LRP4: variants seen among roughly 807,000 people sequenced by gnomAD.
The protein encoded by LRP4 is low-density lipoprotein receptor-related protein 4.
A neutral mutation model predicts 220.3 loss-of-function variants in LRP4; 95 were observed. That is an observed-to-expected ratio of 0.43 (90% confidence interval 0.37 to 0.51). The LOEUF (loss-of-function observed/expected upper bound fraction) is 0.51, where lower values mean the gene tolerates loss of function less well. Ranked by LOEUF, LRP4 falls within the 20% of genes least tolerant of loss-of-function variation. The probability of loss-of-function intolerance (pLI) is 0.00; values close to 1 mark genes in which losing one functional copy is unlikely to be tolerated. For missense variants in LRP4, 1,925 were observed against 2,567.0 expected (o/e 0.75, Z 5.40); for synonymous variants, 903 against 954.6 (o/e 0.95, Z 1.00).
At chr11:46,868,173 C>A (rs1321921185) in intron 33 of LRP4, 59 bp from the exon 34 acceptor site, 1 of 1,605,546 alleles carries the variant, frequency 6.2e-7, no homozygotes, top group East Asian at 2.2e-5. Context: ...ACATATGGCC[C>A]AAGAGTAGCA....
chr11:46,857,082 T>C lies in LRP4; in HGVS notation c.*1901A>G, dbSNP rs1940398581. On this transcript the variant is annotated 3_prime_UTR_variant, in exon 38 of 38. Transcript: ENST00000378623. ...TCAAATAGATACTTCCTCAAATATG[T>C]CCTTTCTACATTCTGAACAGCCCAA... 6.6e-6 allele frequency: 1 copy of C among 152,616 alleles called. No homozygotes were observed. Among genetic ancestry groups the C allele is most frequent in the South Asian group, 2.1e-4 (1 of 4,822 alleles). The allele number at this position is 152,616 out of a possible 1,614,324, so 9.5% of individuals were successfully genotyped here. A position where few individuals can be genotyped will look rare whatever the true frequency, so the allele number is the denominator to read the frequency against.
intron 1 of LRP4, among the ~76,000 whole-genome samples, chr11:46,907,952 C>T (rs1347350918): frequency 4.0e-5 from 6 of 151,196 alleles, no homozygotes; most frequent in Non-Finnish European, 5.9e-5. Flanking sequence ...TTTTTTTTTC[C>T]GAGATGGAAT....
intron 23 of LRP4, 21 bp downstream of exon 23, chr11:46,877,178 G>C (rs561255570): frequency 6.2e-7 from 1 of 1,613,278 alleles, no homozygotes; most frequent in Non-Finnish European, 8.5e-7. Context: ...AGGCCAGGTG[G>C]GAAGAGAGGG....
In LRP4 at chr11:46,875,489, C is replaced by A. The variant is rs1940988328; in HGVS notation, c.3892G>T (p.Asp1298Tyr). The A allele has an allele frequency of 1.2e-6, 2 of 1,614,092 alleles. No homozygotes were observed. The highest frequency in any genetic ancestry group is 1.7e-6 in the Non-Finnish European group (2 of 1,180,026). Reference sequence around the variant, plus strand: ...TGTGCCCGGTCCACAGCCTGCATGTCCATGAGGCCTGGCAGGTTGGACCTC... The same window carrying A: ...TGTGCCCGGTCCACAGCCTGCATGTACATGAGGCCTGGCAGGTTGGACCTC... ...LVRSNLPGLM[D>Y]MQAVDRAQPL... Residue 1298 changes from aspartate (D) to tyrosine (Y), a missense_variant, in exon 27 of 38, where the codon GAC (aspartate) becomes TAC (tyrosine). Around this residue, in one of 3 missense-constraint regions of LRP4, gnomAD observed 1,244 missense variants for 1,624.9 expected, o/e 0.77. Coordinates refer to ENST00000378623, the MANE Select transcript of LRP4 (RefSeq NM_002334.4). This position sits in a 1 kb window ranked among gnomAD's most constrained non-coding sequence, Gnocchi z 4.5.
In LRP4 at chr11:46,858,777, T is replaced by G; in HGVS notation, c.*206A>C. 1 of 626,960 alleles carries G rather than the reference T, an allele frequency of 1.6e-6. No homozygotes were observed. Among genetic ancestry groups the G allele is most frequent in the Non-Finnish European group, 2.9e-6 (1 of 346,042 alleles). 38.8% of individuals were successfully genotyped at this position (626,960 alleles called of 1,614,324 possible). A position where few individuals can be genotyped will look rare whatever the true frequency, so the allele number is the denominator to read the frequency against. On this transcript the variant is annotated 3_prime_UTR_variant, in exon 38 of 38. Transcript: ENST00000378623. The stretch of plus-strand genomic sequence containing the variant: ...GTTCATGGTAAAATCCAGGTCTAAA[T>G]TCTCGTGATGTGCCATCATTTCTTG...
intron 15 of LRP4, 159 bp downstream of exon 15, chr11:46,889,785 G>T: frequency 2.3e-6 from 2 of 887,300 alleles, no homozygotes; most frequent in South Asian, 1.5e-5. Context: ...GTACTGCCCC[G>T]AATGTCCAGC....
chr11:46,889,091 C>T (rs148843923), intron 16 of LRP4, among the ~76,000 whole-genome samples: 25 of 152,284 alleles, frequency 1.6e-4, no homozygotes, highest in Admixed American at 1.2e-3. Flanking sequence ...GGAAATCATT[C>T]CCCTGTTTTC....
In LRP4 at chr11:46,889,423, C is replaced by G. The variant is rs746942856; in HGVS notation, c.2203G>C (p.Ala735Pro). The change falls in exon 16 of 38, where the codon GCC (alanine) becomes CCC (proline). Residue 735 changes from alanine to proline, a missense_variant. Ala to Pro is a conservative substitution (Grantham distance 27). Transcript: ENST00000378623. ...PTGFRKISSHACAQSLDKFLL... is the reference protein window; with the variant it reads ...PTGFRKISSHPCAQSLDKFLL... ...CAGACCCACTTACTCTGGGCACAGG[C>G]GTGGCTGCTGATCTTGCGGAAGCCA... The G allele has an allele frequency of 6.2e-7, 1 of 1,613,948 alleles. No individual in the cohort carries two copies. Among genetic ancestry groups the G allele is most frequent in the Non-Finnish European group, 8.5e-7 (1 of 1,180,038 alleles).
intron 2 of LRP4, among the ~76,000 whole-genome samples, chr11:46,900,954 CT>C (rs1046563776): frequency 4.6e-5 from 7 of 151,362 alleles, no homozygotes; most frequent in African/African-American, 1.7e-4. Flanking sequence ...ACCCAGCTAT[CT>C]TTTTTTTTGT....
chr11:46,881,868 T>C lies in LRP4; in HGVS notation c.2648A>G (p.Lys883Arg). 6.2e-7 allele frequency: 1 copy of C among 1,614,220 alleles called. No individual in the cohort carries two copies. The highest frequency in any genetic ancestry group is 8.5e-7 in the Non-Finnish European group (1 of 1,180,034). Residue 883 changes from lysine (K) to arginine (R), a missense_variant, in exon 20 of 38, where the codon AAG becomes AGG. Lys to Arg is a conservative substitution (Grantham distance 26, BLOSUM62 2). Transcript: ENST00000378623. ...MYWTDWGASPKIERAGMDASG... is the reference protein window; with the variant it reads ...MYWTDWGASPRIERAGMDASG... ...GGCATCCATGCCAGCTCGTTCAATC[T>C]TGGGGCTCGCACCCCAGTCAGTCCA...
chr11:46,880,071 C>T (rs112243847), intron 20 of LRP4, among the ~76,000 whole-genome samples: 4 of 152,242 alleles, frequency 2.6e-5, no homozygotes, highest in African/African-American at 7.2e-5. Flanking sequence ...CACCATTGCA[C>T]GCCAGTCTGG....
At chr11:46,898,419 C>CA in intron 7 of LRP4, 139 bp downstream of exon 7, 1 of 1,179,718 alleles carries the variant, frequency 8.5e-7, no homozygotes, top group East Asian at 2.4e-5. Context: ...CTCCTGACCT[C>CA]AAGCAATCCA....
chr11:46,875,378 C>G lies in LRP4; in HGVS notation c.3925+78G>C. 1.5e-6 allele frequency: 2 copies of G among 1,299,632 alleles called. No homozygotes were observed. Among genetic ancestry groups the G allele is most frequent in the Admixed American group, 1.7e-5 (1 of 57,260 alleles). 80.5% of individuals were successfully genotyped at this position (1,299,632 alleles called of 1,614,324 possible). On this transcript the variant is annotated intron_variant, in intron 27 of 37. Coordinates refer to ENST00000378623, the MANE Select transcript of LRP4 (RefSeq NM_002334.4). This position sits in a 1 kb window ranked among gnomAD's most constrained non-coding sequence, Gnocchi z 4.5. ...TCTGGCTGTAAAGGAGCTCTGTGCT[C>G]TGGATATATCTCTGATGTTGAGATG...
intron 37 of LRP4, among the ~76,000 whole-genome samples, chr11:46,860,242 A>AG (rs1555170533): frequency 6.6e-6 from 1 of 151,766 alleles, no homozygotes; most frequent in Non-Finnish European, 1.5e-5. Flanking sequence ...TAAAAAAAAA[A>AG]AAAGAAAGAA....
Position 46,886,167 on chromosome 11 carries a change from T to A in LRP4, c.2430A>T (p.Val810=), listed in dbSNP as rs1402996218. 1.2e-6 allele frequency: 2 copies of A among 1,613,936 alleles called. No homozygotes were observed. The highest frequency in any genetic ancestry group is 1.7e-6 in the Non-Finnish European group (2 of 1,179,832). ...AKWDGTGQEV[V]VDTSLESPAG... ...CTGGGCTCTCCAAACTGGTATCCAC[T>A]ACCACCTGGGCAGGAAGCAAAGCTG... Residue 810 remains valine (V), a synonymous_variant, in exon 18 of 38, where the codon GTA becomes GTT. Transcript: ENST00000378623.
chr11:46,884,218 G>A (rs542801469), intron 18 of LRP4, among the ~76,000 whole-genome samples: 1 of 152,308 alleles, frequency 6.6e-6, no homozygotes, highest in South Asian at 2.1e-4. Flanking sequence ...ATAATTTAAG[G>A]CGATGATTCT....
intron 13 of LRP4, among the ~76,000 whole-genome samples, chr11:46,891,759 G>A (rs1941429516): frequency 6.6e-6 from 1 of 152,008 alleles, no homozygotes; most frequent in South Asian, 2.1e-4. Context: ...GGGACTACAG[G>A]CATGCATCAA....
chr11:46,916,625 C>T (rs528687965), intron 1 of LRP4, among the ~76,000 whole-genome samples: 1 of 151,906 alleles, frequency 6.6e-6, no homozygotes, highest in Non-Finnish European at 1.5e-5. Flanking sequence ...CAGCCCGGAA[C>T]CTTCCAGCTC....
At chr11:46,879,992 C>T (rs1941113164) in intron 20 of LRP4, among the ~76,000 whole-genome samples, 1 of 152,158 alleles carries the variant, frequency 6.6e-6, no homozygotes, top group East Asian at 1.9e-4. Context: ...ATAATCCCAG[C>T]TACTTGGGAG....
Sources: gnomAD v4.1 joint callset for allele counts (sites outside exome capture counted in the v4.1 genomes callset) on GRCh38, gnomAD v4.1.1 for gene constraint, gnomAD v4.1.1 regional missense constraint, Gnocchi (gnomAD v3.1) non-coding constraint, MANE v1.5 for transcripts, NCBI Gene and HGNC (gene_info 2026-07-23, HGNC 2026-07-21) for gene names.